PUM2: variants seen among roughly 807,000 people sequenced by gnomAD.
The protein encoded by PUM2 is pumilio homolog 2.
PUM2 carries 57 observed loss-of-function variants against 124.5 expected under a neutral mutation model. The observed-to-expected ratio is 0.46, with a 90% CI of 0.37 to 0.57. PUM2 has a LOEUF of 0.57. Among genes scored for constraint, PUM2 ranks in the 20% least tolerant of loss-of-function variants. PUM2 has a pLI of 0.00. For synonymous variants in PUM2, 460 were observed against 446.1 expected (o/e 1.03, Z -0.39); for missense variants, 1,065 against 1,290.6 (o/e 0.83, Z 2.68).
intron 1 of PUM2, among the ~76,000 whole-genome samples, chr2:20,347,658 C>A (rs1345491054): frequency 6.6e-6 from 1 of 152,166 alleles, no homozygotes; most frequent in Admixed American, 6.5e-5. Flanking sequence ...AACAGAATTC[C>A]GAACTGACTG....
At chr2:20,296,372 G>A (rs957498386) in intron 8 of PUM2, among the ~76,000 whole-genome samples, 1 of 152,032 alleles carries the variant, frequency 6.6e-6, no homozygotes, top group Non-Finnish European at 1.5e-5. Flanking sequence ...GTGGGCGCCT[G>A]TAGTCCCAGC....
chr2:20,296,586 C>T (rs916250534), intron 8 of PUM2, among the ~76,000 whole-genome samples: 3 of 151,784 alleles, frequency 2.0e-5, no homozygotes, highest in South Asian at 4.2e-4. Context: ...GTCAAGATAT[C>T]GCTCAAAGCC....
At chr2:20,331,329 T>C (rs1406680590) in intron 1 of PUM2, among the ~76,000 whole-genome samples, 1 of 152,072 alleles carries the variant, frequency 6.6e-6, no homozygotes, top group Non-Finnish European at 1.5e-5. Context: ...TCTCACAAAG[T>C]AAATGTCTAA....
chr2:20,338,409 C>CA (rs113526443), intron 1 of PUM2, among the ~76,000 whole-genome samples: 193 of 151,828 alleles, frequency 1.3e-3, no homozygotes, highest in African/African-American at 3.9e-3. Flanking sequence ...AAAAACAAAA[C>CA]AAAAAAAACA....
chr2:20,342,814 A>G (rs537916849), intron 1 of PUM2, among the ~76,000 whole-genome samples: 1 of 152,240 alleles, frequency 6.6e-6, no homozygotes, highest in Non-Finnish European at 1.5e-5. Context: ...GGTTAACTTT[A>G]AAGTGAGATG....
chr2:20,265,257 A>C (rs547697949), intron 13 of PUM2, among the ~76,000 whole-genome samples: 37 of 152,212 alleles, frequency 2.4e-4, no homozygotes, highest in African/African-American at 7.7e-4. Context: ...CACAAAAAAA[A>C]AAAAAAAGGC....
chr2:20,286,709 C>A (rs1459278790), intron 10 of PUM2, among the ~76,000 whole-genome samples: 1 of 151,768 alleles, frequency 6.6e-6, no homozygotes. Flanking sequence ...TATTCTCTCT[C>A]TTTTTTTTAG....
intron 13 of PUM2, among the ~76,000 whole-genome samples, chr2:20,276,258 CTT>C (rs36031998): frequency 3.5e-5 from 5 of 143,256 alleles, no homozygotes; most frequent in African/African-American, 5.1e-5. Flanking sequence ...AAAATGAAAA[CTT>C]TTTTTTTTTT....
chr2:20,308,483 G>A lies in PUM2; in HGVS notation c.620C>T (p.Thr207Ile), dbSNP rs141892778. ...TTCTTCAACAAGTGGTTTATTAGCT[G>A]TAGGATTAGGAAGAGGCCCCAGTCC... ...SEGLGPLPNP[T>I]ANKPLVEEFS... Residue 207 changes from threonine to isoleucine, a missense_variant, in exon 6 of 21, where the codon ACA becomes ATA. By Grantham distance (89) the Thr-to-Ile change is moderately conservative. Around this residue, in one of 3 missense-constraint regions of PUM2, gnomAD observed 968 missense variants for 1,159.8 expected, o/e 0.83. Transcript: ENST00000361078. 1.2e-6 allele frequency: 2 copies of A among 1,614,180 alleles called. No individual in the cohort carries two copies. The highest frequency in any genetic ancestry group is 2.2e-5 in the East Asian group (1 of 44,884).
At chr2:20,256,299 G>T in intron 16 of PUM2, 129 bp from the exon 17 acceptor site, 1 of 836,702 alleles carries the variant, frequency 1.2e-6, no homozygotes, top group Non-Finnish European at 1.7e-6. Context: ...AAAATACTGA[G>T]ATGGGAACAC....
At chr2:20,350,451 C>G in intron 1 of PUM2, 146 bp downstream of exon 1, 2 of 980,408 alleles carry the variant, frequency 2.0e-6, no homozygotes, top group Non-Finnish European at 1.2e-6. Context: ...GAGCGGGCCC[C>G]AGGCCGCACC....
intron 13 of PUM2, among the ~76,000 whole-genome samples, chr2:20,277,907 A>G (rs1359051989): frequency 1.3e-5 from 2 of 152,162 alleles, no homozygotes; most frequent in African/African-American, 4.8e-5. Flanking sequence ...TATTATCTAC[A>G]TGGATAAATA....
intron 8 of PUM2, 59 bp from the exon 9 acceptor site, chr2:20,294,577 T>A: frequency 6.7e-7 from 1 of 1,500,584 alleles, no homozygotes; most frequent in South Asian, 1.4e-5. Context: ...AGACATGAGG[T>A]TAGCTACCTA....
intron 13 of PUM2, among the ~76,000 whole-genome samples, chr2:20,268,549 C>T (rs1264457893): frequency 6.6e-6 from 1 of 152,016 alleles, no homozygotes; most frequent in Non-Finnish European, 1.5e-5. Flanking sequence ...ACCCAGGAGG[C>T]GAAGGTTACA....
intron 9 of PUM2, among the ~76,000 whole-genome samples, chr2:20,293,790 G>C (rs988613170): frequency 1.3e-5 from 2 of 151,974 alleles, no homozygotes; most frequent in Non-Finnish European, 2.9e-5. Flanking sequence ...CAATACCATG[G>C]TGCTTCTTCG....
intron 13 of PUM2, among the ~76,000 whole-genome samples, chr2:20,269,113 G>T (rs1668415744): frequency 6.6e-6 from 1 of 152,000 alleles, no homozygotes; most frequent in Non-Finnish European, 1.5e-5. Context: ...GCTTCCTAGA[G>T]AATGTTTAAT....
chr2:20,348,935 A>C (rs1352661591), intron 1 of PUM2, among the ~76,000 whole-genome samples: 1 of 152,274 alleles, frequency 6.6e-6, no homozygotes, highest in East Asian at 1.9e-4. Flanking sequence ...GTCTCAAACA[A>C]GAAAAAAAGA....
chr2:20,347,551 T>C (rs1688486324), intron 1 of PUM2, among the ~76,000 whole-genome samples: 1 of 152,330 alleles, frequency 6.6e-6, no homozygotes, highest in East Asian at 1.9e-4. Context: ...AAGTTTTAAA[T>C]AAAAACTGTC....
intron 2 of PUM2, chr2:20,326,165 A>G (rs972169120): frequency 1.7e-5 from 19 of 1,097,436 alleles, no homozygotes; most frequent in African/African-American, 1.2e-4. Flanking sequence ...AAAAAATTCA[A>G]TTTCTTCAAT....
Sources: allele counts gnomAD v4.1 joint callset (sites outside exome capture counted in the v4.1 genomes callset), GRCh38; gene constraint gnomAD v4.1.1; regional missense constraint gnomAD v4.1.1; transcripts MANE v1.5; gene names NCBI Gene and HGNC (gene_info 2026-07-23, HGNC 2026-07-21).